Variants in CNTNAP2 observed in about 807,000 individuals in gnomAD.
CNTNAP2 encodes the protein contactin associated protein 2.
CNTNAP2 carries 98 observed loss-of-function variants against 155.2 expected under a neutral mutation model. The observed-to-expected ratio is 0.63, with a 90% CI of 0.54 to 0.75. CNTNAP2 has a LOEUF of 0.75. Ranked by LOEUF, CNTNAP2 falls within the 30% of genes least tolerant of loss-of-function variation. The pLI, the probability that CNTNAP2 is intolerant of heterozygous loss-of-function variation, is 0.00. For missense variants in CNTNAP2, 1,727 were observed against 1,688.1 expected, an observed-to-expected ratio of 1.02 and a Z score of -0.40; for synonymous variants, 651 against 631.2, an observed-to-expected ratio of 1.03 and a Z score of -0.47.
chr7:148,055,231 G>A (rs901570399), intron 15 of CNTNAP2, among the ~76,000 whole-genome samples: 2 of 152,066 alleles, frequency 1.3e-5, no homozygotes, highest in Non-Finnish European at 2.9e-5. Flanking sequence ...AGACTTTGTA[G>A]GCTATCTGCA....
chr7:146,728,363 T>G (rs969831380), intron 1 of CNTNAP2, among the ~76,000 whole-genome samples: 1 of 152,116 alleles, frequency 6.6e-6, no homozygotes, highest in Non-Finnish European at 1.5e-5. Context: ...GTTTCACCCT[T>G]ATCAGATATG....
chr7:146,129,931 C>T (rs1022387794), intron 1 of CNTNAP2, among the ~76,000 whole-genome samples: 1 of 152,108 alleles, frequency 6.6e-6, no homozygotes, highest in South Asian at 2.1e-4. Context: ...AACATTTTAG[C>T]TAAAACCTAA....
intron 1 of CNTNAP2, among the ~76,000 whole-genome samples, chr7:146,275,090 A>T (rs564624912): frequency 6.6e-6 from 1 of 152,174 alleles, no homozygotes; most frequent in Non-Finnish European, 1.5e-5. Context: ...CTGAATATGA[A>T]GATAATACGC....
chr7:146,621,681 G>T, intron 1 of CNTNAP2, among the ~76,000 whole-genome samples: 1 of 152,082 alleles, frequency 6.6e-6, no homozygotes, highest in East Asian at 1.9e-4. Flanking sequence ...CTAGCAACAC[G>T]ACTTGTCACT....
At chr7:146,912,737 A>G (rs912318459) in intron 3 of CNTNAP2, among the ~76,000 whole-genome samples, 4 of 152,174 alleles carry the variant, frequency 2.6e-5, no homozygotes, top group African/African-American at 4.8e-5. Flanking sequence ...TAGACTGTGA[A>G]AAACAAAGGC....
rs188105121 is a variant in CNTNAP2, at chr7:148,073,730, T to C, written c.2384-44388T>C. ...AAAAAAATATGGTACAGCTGACCCTTGAACAACACAGATTTGATCTGTGTA... is the reference window on the plus strand; with the variant it reads ...AAAAAAATATGGTACAGCTGACCCTCGAACAACACAGATTTGATCTGTGTA... On this transcript the variant is annotated intron_variant, in intron 15 of 23. Transcript: ENST00000361727. Among the ~76,000 whole-genome samples, 21 of 152,278 alleles carry C rather than the reference T, an allele frequency of 1.4e-4. No individual in the cohort carries two copies. In the East Asian group the frequency reaches 3.3e-3, roughly 24 times the overall value.
At chr7:146,439,780 A>G (rs1256234467) in intron 1 of CNTNAP2, among the ~76,000 whole-genome samples, 1 of 151,586 alleles carries the variant, frequency 6.6e-6, no homozygotes, top group African/African-American at 2.4e-5. Flanking sequence ...CTTACATTGT[A>G]TGCAAAATTA....
chr7:147,808,642 A>C (rs1798130731), intron 13 of CNTNAP2, among the ~76,000 whole-genome samples: 1 of 152,228 alleles, frequency 6.6e-6, no homozygotes, highest in African/African-American at 2.4e-5. Context: ...TTGGTAGTGC[A>C]ATTGAAGACC....
chr7:148,217,935 G>A (rs1330511577), intron 19 of CNTNAP2, among the ~76,000 whole-genome samples: 1 of 152,218 alleles, frequency 6.6e-6, no homozygotes, highest in Non-Finnish European at 1.5e-5. Context: ...GACCAGCCTG[G>A]CCAATATGGC....
At chr7:147,132,685 T>C (rs1244996110) in intron 8 of CNTNAP2, among the ~76,000 whole-genome samples, 176 bp downstream of exon 8, 1 of 152,088 alleles carries the variant, frequency 6.6e-6, no homozygotes, top group Non-Finnish European at 1.5e-5. Flanking sequence ...ACTTGGAAAG[T>C]TGTTGAGAGA....
chr7:147,182,311 G>A (rs942786993), intron 8 of CNTNAP2, among the ~76,000 whole-genome samples: 4 of 151,776 alleles, frequency 2.6e-5, no homozygotes, highest in African/African-American at 4.8e-5. Flanking sequence ...TTTTTTATTG[G>A]TAAATGTTTT....
At chr7:148,119,960 G>A (rs1367026674) in intron 16 of CNTNAP2, among the ~76,000 whole-genome samples, 3 of 151,728 alleles carry the variant, frequency 2.0e-5, no homozygotes, top group Non-Finnish European at 4.4e-5. Flanking sequence ...TTCTGGATAA[G>A]AATAATTGAA....
intron 3 of CNTNAP2, among the ~76,000 whole-genome samples, chr7:147,039,499 T>C (rs896058829): frequency 3.7e-4 from 56 of 152,184 alleles, no homozygotes; most frequent in African/African-American, 1.3e-3. Flanking sequence ...GTTTGCTAAG[T>C]ATAATAGACT....
intron 13 of CNTNAP2, among the ~76,000 whole-genome samples, chr7:147,852,058 G>A (rs955066300): frequency 6.6e-6 from 1 of 152,082 alleles, no homozygotes; most frequent in Non-Finnish European, 1.5e-5. Flanking sequence ...AGTCTATATT[G>A]CGACCTTAAT....
intron 15 of CNTNAP2, among the ~76,000 whole-genome samples, chr7:148,006,151 G>T (rs1006765737): frequency 6.6e-6 from 1 of 151,166 alleles, no homozygotes; most frequent in African/African-American, 2.4e-5. Context: ...GAGCCCAAAG[G>T]CTAATAAAAA....
chr7:146,179,710 A>G (rs1408321081), intron 1 of CNTNAP2, among the ~76,000 whole-genome samples: 1 of 152,188 alleles, frequency 6.6e-6, no homozygotes, highest in Admixed American at 6.5e-5. Context: ...AGGATTTTAT[A>G]GTCTGAAGTG....
chr7:147,232,997 C>T (rs1803718705), intron 8 of CNTNAP2, among the ~76,000 whole-genome samples: 1 of 152,142 alleles, frequency 6.6e-6, no homozygotes, highest in Non-Finnish European at 1.5e-5. Flanking sequence ...ATTGGACAAA[C>T]TATTATCTTC....
chr7:146,965,888 C>T lies in CNTNAP2; in HGVS notation c.403-78019C>T, dbSNP rs145337410. On this transcript the variant is annotated intron_variant, in intron 3 of 23. Transcript: ENST00000361727. ...ATGACCATGGTTTTGAGAAACCTTACGCTAGACTAGCAAGAACTTCAATCT... is the reference window on the plus strand; with the variant it reads ...ATGACCATGGTTTTGAGAAACCTTATGCTAGACTAGCAAGAACTTCAATCT... Among the ~76,000 whole-genome samples the T allele has an allele frequency of 4.8e-3, 737 of 152,268 alleles. 2 individuals are homozygous for T. The highest frequency in any genetic ancestry group is 0.016 in the African/African-American group (671 of 41,556).
chr7:147,341,479 A>G lies in CNTNAP2; in HGVS notation c.1498+41189A>G, dbSNP rs924333121. 2.6e-5 allele frequency among the ~76,000 whole-genome samples: 4 copies of G among 152,150 alleles called. 1 individual carries two copies. The highest frequency in any genetic ancestry group is 4.4e-5 in the Non-Finnish European group (3 of 68,038). On this transcript the variant is annotated intron_variant, in intron 9 of 23. Transcript: ENST00000361727. ...TAATAAAAAGGGAAAAACTGTATGTAGAGTGAATAAATAGATTAAAAATGG... is the reference window on the plus strand; with the variant it reads ...TAATAAAAAGGGAAAAACTGTATGTGGAGTGAATAAATAGATTAAAAATGG...
Sources: allele counts gnomAD v4.1 joint callset (sites outside exome capture counted in the v4.1 genomes callset), GRCh38; gene constraint gnomAD v4.1.1; transcripts MANE v1.5; gene names NCBI Gene and HGNC (gene_info 2026-07-23, HGNC 2026-07-21).